ACTR3B: variants seen among roughly 807,000 people sequenced by gnomAD.
The protein encoded by ACTR3B is actin related protein 3B.
Under a neutral mutation model 59.0 loss-of-function variants are expected in ACTR3B, and 8 were observed. The ratio of observed to expected loss-of-function variants is 0.14; its 90% CI spans 0.08 to 0.24. ACTR3B has a LOEUF of 0.24. ACTR3B is among the 10% of genes least tolerant of loss of function. The pLI, the probability that ACTR3B is intolerant of heterozygous loss-of-function variation, is 1.00. For missense variants in ACTR3B, 245 were observed against 552.3 expected (o/e 0.44, Z 5.58); for synonymous variants, 148 against 197.9 (o/e 0.75, Z 2.12).
chr7:152,769,042 G>A (rs1484927241), intron 1 of ACTR3B, among the ~76,000 whole-genome samples: 6 of 151,514 alleles, frequency 4.0e-5, no homozygotes, highest in Admixed American at 1.3e-4. Context: ...TAGTAGAGAC[G>A]GGGTTTCTCC....
intron 1 of ACTR3B, among the ~76,000 whole-genome samples, chr7:152,776,344 CATA>C (rs2098136231): frequency 6.6e-6 from 1 of 151,086 alleles, no homozygotes; most frequent in Non-Finnish European, 1.5e-5. Context: ...AAAGTAGAAA[CATA>C]ATAAAGGAAA....
At chr7:152,779,222 GC>G (rs1245986321) in intron 1 of ACTR3B, among the ~76,000 whole-genome samples, 1 of 152,044 alleles carries the variant, frequency 6.6e-6, no homozygotes, top group African/African-American at 2.4e-5. Flanking sequence ...GAACACAGAT[GC>G]CCAGCCTTCT....
intron 7 of ACTR3B, among the ~76,000 whole-genome samples, chr7:152,821,669 G>A (rs1465976888): frequency 6.6e-6 from 1 of 152,160 alleles, no homozygotes; most frequent in Non-Finnish European, 1.5e-5. Context: ...GGGCTGATGT[G>A]CTCGATGTGA....
intron 1 of ACTR3B, 77 bp downstream of exon 1, chr7:152,760,003 T>A (rs1436828228): frequency 2.5e-6 from 3 of 1,214,910 alleles, no homozygotes. Flanking sequence ...CGCCTGGAGG[T>A]CGAGCTGCGT....
chr7:152,804,974 C>T (rs958529351), intron 4 of ACTR3B, among the ~76,000 whole-genome samples: 1 of 152,184 alleles, frequency 6.6e-6, no homozygotes. Context: ...AGCCAGTACT[C>T]ATTAAGGAGC....
intron 1 of ACTR3B, 47 bp downstream of exon 1, chr7:152,759,973 C>A: frequency 7.6e-7 from 1 of 1,307,438 alleles, no homozygotes; most frequent in South Asian, 2.0e-5. Flanking sequence ...GGCCCCGCTC[C>A]CGGCCCCTGG....
chr7:152,775,940 G>A (rs1359918491), intron 1 of ACTR3B, among the ~76,000 whole-genome samples: 1 of 152,070 alleles, frequency 6.6e-6, no homozygotes, highest in Non-Finnish European at 1.5e-5. Flanking sequence ...TGCTTAAAAG[G>A]CAGACGTGTA....
intron 4 of ACTR3B, among the ~76,000 whole-genome samples, chr7:152,802,423 A>G (rs2098239548): frequency 6.9e-6 from 1 of 145,370 alleles, no homozygotes; most frequent in East Asian, 2.0e-4. Context: ...AGAGGAAACC[A>G]GGTCAAGATG....
At chr7:152,846,400 G>C (rs1015254910) in intron 9 of ACTR3B, among the ~76,000 whole-genome samples, 2 of 149,448 alleles carry the variant, frequency 1.3e-5, no homozygotes, top group African/African-American at 2.5e-5. Flanking sequence ...TAGTGCCCGG[G>C]GCTGTAGTCT....
At chr7:152,794,666 TGTGTGGTGTCAGTCA>T (rs762760651) in intron 2 of ACTR3B, among the ~76,000 whole-genome samples, 2 of 151,860 alleles carry the variant, frequency 1.3e-5, no homozygotes, top group African/African-American at 2.4e-5. Flanking sequence ...CAGATGGTTC[TGTGTGGTGTCAGTCA>T]GTGTGCCATT....
chr7:152,769,320 T>C (rs2098118664), intron 1 of ACTR3B, among the ~76,000 whole-genome samples: 1 of 152,242 alleles, frequency 6.6e-6, no homozygotes, highest in Non-Finnish European at 1.5e-5. Flanking sequence ...AACTTGTCTC[T>C]TCACTAGAGT....
At chr7:152,817,984 G>A (rs140185014) in intron 6 of ACTR3B, among the ~76,000 whole-genome samples, 4,474 of 152,106 alleles carry the variant, frequency 0.029, 94 homozygotes, top group Middle Eastern at 0.099. Context: ...TCCTTCCTGT[G>A]GGGAGGAGAG....
At chr7:152,761,956 T>G (rs1221226884) in intron 1 of ACTR3B, among the ~76,000 whole-genome samples, 1 of 152,186 alleles carries the variant, frequency 6.6e-6, no homozygotes, top group African/African-American at 2.4e-5. Flanking sequence ...GACAACATCA[T>G]AAGAGTCATG....
intron 10 of ACTR3B, among the ~76,000 whole-genome samples, 197 bp from the exon 11 acceptor site, chr7:152,853,297 T>C (rs980351346): frequency 2.6e-5 from 4 of 151,870 alleles, no homozygotes; most frequent in African/African-American, 9.7e-5. Context: ...CTTTGAGCGC[T>C]GGGGGCTGGG....
At chr7:152,845,883 T>C (rs1163863308) in intron 9 of ACTR3B, among the ~76,000 whole-genome samples, 1 of 152,276 alleles carries the variant, frequency 6.6e-6, no homozygotes, top group South Asian at 2.1e-4. Flanking sequence ...AGCCATGAAA[T>C]GATTTTTGTT....
intron 1 of ACTR3B, among the ~76,000 whole-genome samples, chr7:152,764,469 TAAAA>T (rs879349991): frequency 4.2e-5 from 6 of 143,088 alleles, no homozygotes; most frequent in African/African-American, 1.5e-4. Flanking sequence ...CCGTCTCTAC[TAAAA>T]AAAAAAAGAA....
At chr7:152,779,624 G>GT (rs2098145597) in intron 1 of ACTR3B, among the ~76,000 whole-genome samples, 1 of 152,064 alleles carries the variant, frequency 6.6e-6, no homozygotes, top group South Asian at 2.1e-4. Flanking sequence ...TTTTGCTTTT[G>GT]TTTTTTTGGT....
At position 152,759,754 on chromosome 7, in the gene ACTR3B, C is replaced by G; in HGVS notation, c.-129C>G. 2 of 696,832 alleles carry G rather than the reference C, an allele frequency of 2.9e-6. No individual in the cohort carries two copies. Among genetic ancestry groups the G allele is most frequent in the Non-Finnish European group, 3.6e-6 (2 of 548,516 alleles). 43.2% of individuals were successfully genotyped at this position (696,832 alleles called of 1,614,324 possible). On this transcript the variant is annotated 5_prime_UTR_variant, in exon 1 of 12. The change creates a new upstream start codon in the 5' untranslated region. Coordinates refer to ENST00000256001, the MANE Select transcript of ACTR3B (RefSeq NM_020445.6). ...ACGTCACGTGTCGGCCGCCGAGCAT[C>G]CGGGCTCCCGGCAGCGGCGCTGCGG...
In ACTR3B at chr7:152,814,557, C is replaced by T. The variant is rs766071124; in HGVS notation, c.344C>T (p.Pro115Leu). Residue 115 changes from proline to leucine, a missense_variant, in exon 5 of 12, where the codon CCT becomes CTT. Pro to Leu is a moderately conservative substitution (Grantham distance 98). Transcript: ENST00000256001. Reference protein sequence around the residue: ...PEDHYFLMTEPPLNTPENREY... With the variant: ...PEDHYFLMTELPLNTPENREY... ...GTGAATGTTTTCTTACAGACAGAACCTCCACTCAATACACCAGAAAACAGA... is the reference window on the plus strand; with the variant it reads ...GTGAATGTTTTCTTACAGACAGAACTTCCACTCAATACACCAGAAAACAGA... The T allele has an allele frequency of 2.5e-6, 4 of 1,609,026 alleles. No individual in the cohort carries two copies. The highest frequency in any genetic ancestry group is 1.7e-5 in the Admixed American group (1 of 59,752).
Sources: allele counts gnomAD v4.1 joint callset (sites outside exome capture counted in the v4.1 genomes callset), GRCh38; gene constraint gnomAD v4.1.1; transcripts MANE v1.5; gene names NCBI Gene and HGNC (gene_info 2026-07-23, HGNC 2026-07-21).